BCAT2: variants seen among roughly 807,000 people sequenced by gnomAD.
BCAT2 encodes branched chain amino acid transaminase 2.
Under a neutral mutation model 52.9 loss-of-function variants are expected in BCAT2, and 44 were observed. That is an observed-to-expected ratio of 0.83 (90% confidence interval 0.65 to 1.07). The LOEUF is 1.07. BCAT2 is among the 50% of genes least tolerant of loss of function. The pLI, the probability that BCAT2 is intolerant of heterozygous loss-of-function variation, is 0.00. For missense variants in BCAT2, 478 were observed against 521.8 expected (o/e 0.92, Z 0.82); for synonymous variants, 215 against 217.1 (o/e 0.99, Z 0.08).
chr19:48,807,317 C>T lies in BCAT2; in HGVS notation c.25-243G>A, dbSNP rs371268019. On this transcript the variant is annotated intron_variant, in intron 1 of 10. Transcript: ENST00000316273. The surrounding 1 kb of genome is among the most constrained non-coding windows in gnomAD (Gnocchi z 4.6). ...TCCTCCATGCTGCGGCAAAGTCAAA[C>T]GCAAGCGCCTCCCACCCCAGAGACC... 11 of 437,844 alleles carry T rather than the reference C, an allele frequency of 2.5e-5. No homozygotes were observed. The highest frequency in any genetic ancestry group is 9.0e-5 in the East Asian group (2 of 22,156). 27.1% of individuals were successfully genotyped at this position (437,844 alleles called of 1,614,324 possible).
At chr19:48,808,397 A>C in intron 1 of BCAT2, 1 of 342,252 alleles carries the variant, frequency 2.9e-6, no homozygotes, top group Non-Finnish European at 4.1e-6. Context: ...GGGCGCACAA[A>C]CAGAAAAAAA....
chr19:48,796,354 T>C (rs1451415162), intron 10 of BCAT2, 74 bp downstream of exon 10: 7 of 1,567,638 alleles, frequency 4.5e-6, no homozygotes, highest in Non-Finnish European at 3.5e-6. Flanking sequence ...TGGCTGTTAG[T>C]CCAGGGGCTC....
intron 10 of BCAT2, 77 bp from the exon 11 acceptor site, chr19:48,795,541 G>T: frequency 6.5e-7 from 1 of 1,538,014 alleles, no homozygotes; most frequent in Non-Finnish European, 8.9e-7. Flanking sequence ...GTTCCAGGCC[G>T]AGTGCCTACG....
intron 1 of BCAT2, among the ~76,000 whole-genome samples, chr19:48,809,438 A>G (rs1448668605): frequency 6.6e-6 from 1 of 151,684 alleles, no homozygotes; most frequent in Non-Finnish European, 1.5e-5. Flanking sequence ...GACTGTCCCC[A>G]TATCACGGCC....
At chr19:48,805,562 T>G (rs2034748834) in intron 3 of BCAT2, among the ~76,000 whole-genome samples, 1 of 152,082 alleles carries the variant, frequency 6.6e-6, no homozygotes, top group Admixed American at 6.6e-5. Flanking sequence ...CTACTCCCGT[T>G]TGGGGTTTGG....
At chr19:48,800,802 T>C (rs4801775) in intron 3 of BCAT2, among the ~76,000 whole-genome samples, 21,631 of 151,734 alleles carry the variant, frequency 0.14, 2,061 homozygotes, top group Non-Finnish European at 0.21. Flanking sequence ...GTTTTTTTTT[T>C]CTGGAGACTC....
At chr19:48,800,162 A>C (rs2122665880) in intron 4 of BCAT2, 25 bp downstream of exon 4, 3 of 1,611,748 alleles carry the variant, frequency 1.9e-6, no homozygotes, top group Non-Finnish European at 2.5e-6. Flanking sequence ...CCTCCTCCCC[A>C]CCCCGGTGGA....
chr19:48,796,704 C>T lies in BCAT2; in HGVS notation c.939G>A (p.Val313=). ...GCTTCATGGTGATCGTGCGCTCCAC[C>T]ACCCGGAACTCACCCTGCAGGGCAG... ...DMAQTWGEFR[V]VERTITMKQL... The change falls in exon 9 of 11, where the codon GTG becomes GTA. Residue 313 remains valine, a synonymous_variant. Coordinates refer to ENST00000316273, the MANE Select transcript of BCAT2 (RefSeq NM_001190.4). 8.7e-6 allele frequency: 14 copies of T among 1,612,016 alleles called. No individual in the cohort carries two copies. The highest frequency in any genetic ancestry group is 1.2e-5 in the Non-Finnish European group (14 of 1,179,554).
In BCAT2 at chr19:48,800,201, G is replaced by T. The variant is rs773187879; in HGVS notation, c.397C>A (p.Arg133Ser). 6 of 1,613,538 alleles carry T rather than the reference G, an allele frequency of 3.7e-6. 1 individual carries two copies. In the South Asian group the frequency reaches 5.5e-5, roughly 15 times the overall value. The part of the protein sequence containing the change: ...NMDRMLRSAM[R>S]LCLPSFDKLE... Reference sequence around the variant, plus strand: ...GGACCCCTCACCGGCAGGCACAGGCGCATGGCTGAGCGCAGCATCCGGTCC... The same window carrying T: ...GGACCCCTCACCGGCAGGCACAGGCTCATGGCTGAGCGCAGCATCCGGTCC... The change falls in exon 4 of 11, where the codon CGC becomes AGC. Residue 133 changes from arginine (R) to serine (S), a missense_variant. Arg to Ser is a moderately radical substitution (Grantham distance 110). Coordinates refer to ENST00000316273, the MANE Select transcript of BCAT2 (RefSeq NM_001190.4).
chr19:48,795,602 C>A (rs1189056246), intron 10 of BCAT2, 138 bp from the exon 11 acceptor site: 1 of 957,422 alleles, frequency 1.0e-6, no homozygotes, highest in African/African-American at 1.6e-5. Flanking sequence ...CCCAGAGGGC[C>A]CCAACAATGA....
In BCAT2 at chr19:48,799,724, C is replaced by T; in HGVS notation, c.646G>A (p.Ala216Thr). 1 of 1,596,448 alleles carries T rather than the reference C, an allele frequency of 6.3e-7. No individual in the cohort carries two copies. The highest frequency in any genetic ancestry group is 1.1e-5 in the South Asian group (1 of 87,796). The change falls in exon 6 of 11, where the codon GCC (alanine) becomes ACC (threonine). Residue 216 changes from alanine to threonine, a missense_variant. Physicochemically the swap from Ala to Thr is moderately conservative, Grantham distance 58. Coordinates refer to ENST00000316273, the MANE Select transcript of BCAT2 (RefSeq NM_001190.4). The surrounding 1 kb of genome is among the most constrained non-coding windows in gnomAD (Gnocchi z 5.5). ...VTPVSLLADPAFIRAWVGGVG... is the reference protein window; with the variant it reads ...VTPVSLLADPTFIRAWVGGVG... ...CCGCCCACCCAGGCCCGGATGAAGG[C>T]TGGGTCGGCCAGGAGGGAGACCGGG...
chr19:48,799,455 T>G lies in BCAT2; in HGVS notation c.695+220A>C, dbSNP rs888685927. 5.0e-6 allele frequency: 3 copies of G among 598,154 alleles called. No individual in the cohort carries two copies. The highest frequency in any genetic ancestry group is 5.3e-6 in the Non-Finnish European group (2 of 373,886). 37.1% of individuals were successfully genotyped at this position (598,154 alleles called of 1,614,324 possible). On this transcript the variant is annotated intron_variant, in intron 6 of 10. Transcript: ENST00000316273. The surrounding 1 kb of genome is among the most constrained non-coding windows in gnomAD (Gnocchi z 5.5). The stretch of plus-strand genomic sequence containing the variant: ...CTGACCTCCACCCAATGCCTTCCCA[T>G]CTGTGAGCCTTTTTGTCCATCTGAA...
intron 1 of BCAT2, chr19:48,810,723 C>G: frequency 9.2e-7 from 1 of 1,090,428 alleles, no homozygotes; most frequent in Admixed American, 3.8e-5. Flanking sequence ...ACAGGGTCCT[C>G]CACCATGTTT....
At chr19:48,800,391 A>T (rs1028976099) in intron 3 of BCAT2, 94 bp from the exon 4 acceptor site, 3 of 1,159,042 alleles carry the variant, frequency 2.6e-6, no homozygotes, top group Non-Finnish European at 2.5e-6. Context: ...AAAGACACAG[A>T]CAACTGAAAG....
intron 3 of BCAT2, among the ~76,000 whole-genome samples, chr19:48,806,072 A>C (rs1200343761): frequency 2.8e-4 from 1 of 3,548 alleles, no homozygotes; most frequent in African/African-American, 1.8e-3. Context: ...CTCCCCCCCC[A>C]ATGGCTGTCC....
At chr19:48,796,209 G>A (rs780622937) in intron 10 of BCAT2, 5 of 608,064 alleles carry the variant, frequency 8.2e-6, no homozygotes, top group Non-Finnish European at 1.4e-5. Flanking sequence ...GACATATCCA[G>A]GGCTCCGGGA....
In BCAT2 at chr19:48,796,670, G is replaced by A. The variant is rs143358538; in HGVS notation, c.973C>T (p.Arg325Trp). 4.2e-5 allele frequency: 67 copies of A among 1,613,396 alleles called. No homozygotes were observed. Among genetic ancestry groups the A allele is most frequent in the African/African-American group, 1.2e-4 (9 of 74,934 alleles). ...ERTITMKQLLRALEEGRVREV... is the reference protein window; with the variant it reads ...ERTITMKQLLWALEEGRVREV... ...CGCACGCGGCCCTCCTCCAGGGCCC[G>A]CAGCAACTGCTTCATGGTGATCGTG... Residue 325 changes from arginine to tryptophan, a missense_variant, in exon 9 of 11, where the codon CGG becomes TGG. Arg to Trp is a moderately radical substitution (Grantham distance 101). Coordinates refer to ENST00000316273, the MANE Select transcript of BCAT2 (RefSeq NM_001190.4).
intron 3 of BCAT2, among the ~76,000 whole-genome samples, chr19:48,802,203 C>T (rs936509898): frequency 7.2e-5 from 11 of 151,992 alleles, no homozygotes; most frequent in African/African-American, 2.4e-4. Flanking sequence ...TTTGAGATAC[C>T]TTTAAAACCA....
chr19:48,797,613 C>T (rs1320795550), intron 6 of BCAT2: 13 of 367,454 alleles, frequency 3.5e-5, no homozygotes, highest in South Asian at 1.8e-4. Context: ...TGCAGTGGTG[C>T]GATCTTGGCT....
Sources: gnomAD v4.1 joint callset for allele counts (sites outside exome capture counted in the v4.1 genomes callset) on GRCh38, gnomAD v4.1.1 for gene constraint, Gnocchi (gnomAD v3.1) non-coding constraint, MANE v1.5 for transcripts, NCBI Gene and HGNC (gene_info 2026-07-23, HGNC 2026-07-21) for gene names.